The following MATK variants were observed in gnomAD, a reference collection of about 807,000 sequenced individuals.
The protein encoded by MATK is megakaryocyte-associated tyrosine kinase, also known as megakaryocyte-associated tyrosine-protein kinase.
In MATK, 41 loss-of-function variants were observed where a neutral mutation model predicts 59.8. The ratio of observed to expected loss-of-function variants is 0.69; its 90% CI spans 0.53 to 0.89. The LOEUF (loss-of-function observed/expected upper bound fraction) is 0.89, where lower values mean the gene tolerates loss of function less well. Among genes scored for constraint, MATK ranks in the 40% least tolerant of loss-of-function variants. The pLI, the probability that MATK is intolerant of heterozygous loss-of-function variation, is 0.00. For missense variants in MATK, 593 were observed against 719.6 expected, an observed-to-expected ratio of 0.82 and a Z score of 2.01; for synonymous variants, 308 against 306.1, an observed-to-expected ratio of 1.01 and a Z score of -0.06.
Position 3,778,150 on chromosome 19 carries a change from G to A in MATK, c.*33C>T. 6.5e-7 allele frequency: 1 copy of A among 1,532,148 alleles called. No homozygotes were observed. The highest frequency in any genetic ancestry group is 1.2e-5 in the South Asian group (1 of 82,628). 94.9% of individuals were successfully genotyped at this position (1,532,148 alleles called of 1,614,324 possible). A position where few individuals can be genotyped will look rare whatever the true frequency, so the allele number is the denominator to read the frequency against. ...CCACGCCGCACTCTCCACTCTCTCG[G>A]TCCTCTGGGGCCAAGGGCCCCACCG... On this transcript the variant is annotated 3_prime_UTR_variant, in exon 14 of 14. Coordinates refer to ENST00000310132, the MANE Select transcript of MATK (RefSeq NM_139355.3).
intron 1 of MATK, among the ~76,000 whole-genome samples, chr19:3,792,510 C>CT (rs140778999): frequency 0.74 from 73,891 of 99,856 alleles, 28,571 homozygotes; most frequent in South Asian, 0.8. Context: ...ATTTCCAACT[C>CT]TTTTTTTTTT....
At chr19:3,792,659 A>G (rs181441398) in intron 1 of MATK, among the ~76,000 whole-genome samples, 89 of 151,964 alleles carry the variant, frequency 5.9e-4, no homozygotes, top group Non-Finnish European at 1.0e-3. Flanking sequence ...TATTACAGGT[A>G]CCTGCCAGCC....
At chr19:3,791,641 C>T (rs1426908623) in intron 1 of MATK, among the ~76,000 whole-genome samples, 1 of 151,778 alleles carries the variant, frequency 6.6e-6, no homozygotes, top group Non-Finnish European at 1.5e-5. Context: ...CCGCACCCAG[C>T]CTCCACCTCC....
At position 3,783,855 on chromosome 19, in the gene MATK, C is replaced by T. The variant is rs547868630; in HGVS notation, c.541G>A (p.Asp181Asn). Residue 181 changes from aspartate to asparagine, a missense_variant, in exon 6 of 14, where the codon GAT becomes AAT. Transcript: ENST00000310132. ...AGGTTGCAGAAGAACACGGCCTCAT[C>T]GATTGTGAGGTGGCCGTCGCGGTGC... ...VLHRDGHLTIDEAVFFCNLMD... is the reference protein window; with the variant it reads ...VLHRDGHLTINEAVFFCNLMD... The T allele has an allele frequency of 4.3e-6, 7 of 1,613,094 alleles. No individual in the cohort carries two copies. The highest frequency in any genetic ancestry group is 2.2e-5 in the South Asian group (2 of 91,058).
chr19:3,779,201 G>A lies in MATK; in HGVS notation c.1002-14C>T, dbSNP rs762659930. 1.3e-5 allele frequency: 21 copies of A among 1,566,120 alleles called. No homozygotes were observed. Among genetic ancestry groups the A allele is most frequent in the Middle Eastern group, 3.4e-4 (2 of 5,890 alleles). On this transcript the variant is annotated splice_polypyrimidine_tract_variant and intron_variant, in intron 11 of 13. Transcript: ENST00000310132. ...TCGGCCACGTGCCTGGGGGTAGTAG[G>A]GGGCAGTGGGGGCTCAGGTGCCAGG... is the stretch of plus-strand genomic sequence containing the variant.
chr19:3,784,962 G>A, intron 2 of MATK, 78 bp from the exon 3 acceptor site: 1 of 1,429,004 alleles, frequency 7.0e-7, no homozygotes, highest in Non-Finnish European at 9.8e-7. Flanking sequence ...GCCCAGGTCA[G>A]GTGGGGGCGA....
intron 12 of MATK, among the ~76,000 whole-genome samples, 166 bp downstream of exon 12, chr19:3,778,826 T>C (rs1272109140): frequency 6.6e-6 from 1 of 152,178 alleles, no homozygotes; most frequent in African/African-American, 2.4e-5. Context: ...CTGGAGAAAC[T>C]GAGGCCCAGA....
upstream of MATK, chr19:3,786,385 G>T (rs1230308041): frequency 2.0e-6 from 2 of 981,604 alleles, no homozygotes; most frequent in South Asian, 9.2e-5. The surrounding 1 kb of genome is among the most constrained non-coding windows in gnomAD (Gnocchi z 4.1). Flanking sequence ...CCGCACTGCG[G>T]TCTCCTCCGC....
chr19:3,785,519 G>A (rs1179218532), intron 1 of MATK: 2 of 314,896 alleles, frequency 6.4e-6, no homozygotes, highest in African/African-American at 4.3e-5. Context: ...CTCCCCGACC[G>A]CTAGTGGCTG....
chr19:3,780,398 T>C (rs1462394936), intron 8 of MATK, among the ~76,000 whole-genome samples: 1 of 152,134 alleles, frequency 6.6e-6, no homozygotes, highest in Non-Finnish European at 1.5e-5. Flanking sequence ...ACCCTTCAGC[T>C]CAAAATGTTT....
chr19:3,787,974 G>T (rs894426388), upstream of MATK, among the ~76,000 whole-genome samples: 2 of 151,018 alleles, frequency 1.3e-5, no homozygotes, highest in Admixed American at 6.6e-5. Flanking sequence ...TGTTGCCCAG[G>T]CTGGCCTCAA....
chr19:3,778,410 C>T lies in MATK; in HGVS notation c.1297G>A (p.Val433Met), dbSNP rs1332009926. Reference protein sequence around the residue: ...APYPKMSLKEVSEAVEKGYRM... With the variant: ...APYPKMSLKEMSEAVEKGYRM... ...TACCCCTTCTCCACGGCCTCCGACACCTCTTTCAGTGACTGCGGACAGCAG... is the reference window on the plus strand; with the variant it reads ...TACCCCTTCTCCACGGCCTCCGACATCTCTTTCAGTGACTGCGGACAGCAG... The change falls in exon 14 of 14, where the codon GTG becomes ATG. Residue 433 changes from valine to methionine, a missense_variant. Transcript: ENST00000310132. The T allele has an allele frequency of 1.2e-6, 2 of 1,613,014 alleles. No individual in the cohort carries two copies. The highest frequency in any genetic ancestry group is 1.7e-6 in the Non-Finnish European group (2 of 1,179,904).
chr19:3,783,396 G>A, intron 6 of MATK, 177 bp from the exon 7 acceptor site: 2 of 629,690 alleles, frequency 3.2e-6, no homozygotes, highest in Non-Finnish European at 2.8e-6. Flanking sequence ...CTCTGGATTG[G>A]TATCAACTTG....
chr19:3,793,644 C>G (rs989215011), intron 1 of MATK, among the ~76,000 whole-genome samples: 6 of 150,522 alleles, frequency 4.0e-5, no homozygotes, highest in Admixed American at 3.3e-4. Context: ...AGAGCTTGCA[C>G]TGAGCGGAGA....
chr19:3,793,698 A>G (rs553187212), intron 1 of MATK, among the ~76,000 whole-genome samples: 53 of 144,236 alleles, frequency 3.7e-4, no homozygotes, highest in South Asian at 8.9e-4. Flanking sequence ...TGGAGACTCC[A>G]TCTCAAGAAA....
Position 3,778,736 on chromosome 19 carries a change from T to C in MATK, c.1198-141A>G, listed in dbSNP as rs572641246. ...AGTCCTCCCCCAACGCCGCCCGCAG[T>C]TGAGTCTAGCTCAGCCTTAGTGCAT... On this transcript the variant is annotated intron_variant, in intron 12 of 13. Coordinates refer to ENST00000310132, the MANE Select transcript of MATK (RefSeq NM_139355.3). 5.8e-5 allele frequency: 57 copies of C among 989,508 alleles called. 1 individual carries two copies. In the South Asian group the frequency reaches 7.8e-4, roughly 14 times the overall value. The allele number at this position is 989,508 out of a possible 1,614,324, so 61.3% of individuals were successfully genotyped here.
rs745850768 is a variant in MATK at position 3,778,607 on chromosome 19, G to A, written c.1198-12C>T. 2.7e-5 allele frequency: 44 copies of A among 1,604,518 alleles called. 1 individual carries two copies. The South Asian group carries it at 4.2e-4, about 15-fold the overall frequency. ...TTGCTGGTGAACTTCTGTGGGGCCC[G>A]AGACGGGGGTGAGGAGGGACCCCTC... is the stretch of plus-strand genomic sequence containing the variant. On this transcript the variant is annotated splice_polypyrimidine_tract_variant and intron_variant, in intron 12 of 13. Coordinates refer to ENST00000310132, the MANE Select transcript of MATK (RefSeq NM_139355.3).
In MATK at chr19:3,784,412, C is replaced by T. The variant is rs1435016381; in HGVS notation, c.172G>A (p.Glu58Lys). 1.2e-6 allele frequency: 2 copies of T among 1,602,726 alleles called. No homozygotes were observed. The highest frequency in any genetic ancestry group is 1.7e-4 in the Middle Eastern group (1 of 5,770). The change falls in exon 4 of 14, where the codon GAG (glutamate) becomes AAG (lysine). Residue 58 changes from glutamate (E) to lysine (K), a missense_variant. Transcript: ENST00000310132. ...APGTQCITKC[E>K]HTRPKPGELA... ...TCCCCTGGCTTGGGGCGGGTGTGCT[C>T]GCATTTGGTGATACACTGGGTGCCC... is the stretch of plus-strand genomic sequence containing the variant.
chr19:3,783,135 G>A lies in MATK; in HGVS notation c.667C>T (p.Leu223=), dbSNP rs762634494. Residue 223 remains leucine, a synonymous_variant, in exon 7 of 14, where the codon CTG becomes TTG. Coordinates refer to ENST00000310132, the MANE Select transcript of MATK (RefSeq NM_139355.3). ...CCTGGGCGTCCCCTACCCCTGGCCA[G>A]CTCCTCCTCGGCCGACTTGGTCCCG... ...KHGTKSAEEE[L]ARAGWLLNLQ... The A allele has an allele frequency of 6.2e-7, 1 of 1,613,986 alleles. No individual in the cohort carries two copies. Among genetic ancestry groups the A allele is most frequent in the Non-Finnish European group, 8.5e-7 (1 of 1,179,974 alleles).
Sources: allele counts gnomAD v4.1 joint callset (sites outside exome capture counted in the v4.1 genomes callset), GRCh38; gene constraint gnomAD v4.1.1; non-coding constraint Gnocchi (gnomAD v3.1); transcripts MANE v1.5; gene names NCBI Gene and HGNC (gene_info 2026-07-23, HGNC 2026-07-21).